The following SNAP29 variants were observed in gnomAD, a reference collection of about 807,000 sequenced individuals.
The protein encoded by SNAP29 is synaptosome associated protein 29, also known as synaptosomal-associated protein 29.
SNAP29 carries 13 observed loss-of-function variants against 27.9 expected under a neutral mutation model. That is an observed-to-expected ratio of 0.47 (90% CI 0.30 to 0.74). The LOEUF is 0.74. Ranked by LOEUF, SNAP29 falls within the 30% of genes least tolerant of loss-of-function variation. The pLI, the probability that SNAP29 is intolerant of heterozygous loss-of-function variation, is 0.06. For missense variants in SNAP29, 368 were observed against 336.5 expected (o/e 1.09, Z -0.73); for synonymous variants, 119 against 127.1 (o/e 0.94, Z 0.43).
intron 1 of SNAP29, among the ~76,000 whole-genome samples, chr22:20,869,807 G>A (rs139659595): frequency 0.018 from 2,787 of 151,924 alleles, 33 homozygotes; most frequent in Non-Finnish European, 0.026. Context: ...GTCTTGCTCT[G>A]TCGCCCAGGC....
In SNAP29 at chr22:20,859,245, G is replaced by C; in HGVS notation, c.135G>C (p.Leu45Phe). The part of the protein sequence containing the change: ...PDAPADRQQY[L>F]RQEVLRRAEA... The stretch of plus-strand genomic sequence containing the variant: ...CGCCCGCGGACAGGCAGCAGTACTT[G>C]CGGCAGGAGGTCCTCCGCAGGGCTG... Residue 45 changes from leucine (L) to phenylalanine (F), a missense_variant, in exon 1 of 5, where the codon TTG becomes TTC. Transcript: ENST00000215730. 6.2e-7 allele frequency: 1 copy of C among 1,604,062 alleles called. No individual in the cohort carries two copies. The highest frequency in any genetic ancestry group is 8.5e-7 in the Non-Finnish European group (1 of 1,176,820).
chr22:20,871,096 C>G (rs916773772), intron 2 of SNAP29: 2 of 153,120 alleles, frequency 1.3e-5, no homozygotes, highest in Admixed American at 6.4e-5. Flanking sequence ...GCACTCCAAC[C>G]TGGGCTACAG....
chr22:20,890,141 C>T lies in SNAP29; in HGVS notation c.*2305C>T, dbSNP rs901120462. 5.0e-6 allele frequency: 2 copies of T among 396,574 alleles called. No homozygotes were observed. Among genetic ancestry groups the T allele is most frequent in the Admixed American group, 4.4e-5 (1 of 22,650 alleles). The allele number at this position is 396,574 out of a possible 1,614,324, so 24.6% of individuals were successfully genotyped here. ...GCTGGTCCTTTCTGCCACTTCTTCC[C>T]CACTCCCATGCCCAGGAAGGCCTGG... On this transcript the variant is annotated 3_prime_UTR_variant, in exon 5 of 5. Coordinates refer to ENST00000215730, the MANE Select transcript of SNAP29 (RefSeq NM_004782.4).
chr22:20,877,412 C>T (rs1928774165), intron 2 of SNAP29, among the ~76,000 whole-genome samples: 2 of 152,150 alleles, frequency 1.3e-5, no homozygotes, highest in South Asian at 4.1e-4. Flanking sequence ...CAAAATGAGC[C>T]AAGCAAGGTG....
Position 20,859,352 on chromosome 22 carries a change from G to A in SNAP29, c.237+5G>A. 6.3e-7 allele frequency: 1 copy of A among 1,590,682 alleles called. No homozygotes were observed. On this transcript the variant is annotated splice_donor_5th_base_variant and intron_variant, in intron 1 of 4. Coordinates refer to ENST00000215730, the MANE Select transcript of SNAP29 (RefSeq NM_004782.4). ...GTTGGGGTCGCCTCTTCCGAGGTGA[G>A]CCTGGGGCAGGGCTGGTGTGGACTC...
intron 2 of SNAP29, among the ~76,000 whole-genome samples, chr22:20,876,104 T>C (rs1222627112): frequency 6.6e-6 from 1 of 150,540 alleles, no homozygotes; most frequent in African/African-American, 2.4e-5. Flanking sequence ...GAGGTTGCAG[T>C]GAGCCAAGAT....
Position 20,859,231 on chromosome 22 carries a change from A to G in SNAP29, c.121A>G (p.Arg41Gly). ...CGACGGGCCCGACGCGCCCGCGGACAGGCAGCAGTACTTGCGGCAGGAGGT... is the reference window on the plus strand; with the variant it reads ...CGACGGGCCCGACGCGCCCGCGGACGGGCAGCAGTACTTGCGGCAGGAGGT... ...LPDGPDAPAD[R>G]QQYLRQEVLR... The change falls in exon 1 of 5, where the codon AGG (arginine) becomes GGG (glycine). Residue 41 changes from arginine to glycine, a missense_variant. Arg to Gly is a moderately radical substitution (Grantham distance 125, BLOSUM62 -2). Coordinates refer to ENST00000215730, the MANE Select transcript of SNAP29 (RefSeq NM_004782.4). 6.2e-7 allele frequency: 1 copy of G among 1,606,520 alleles called. No individual in the cohort carries two copies. Among genetic ancestry groups the G allele is most frequent in the Non-Finnish European group, 8.5e-7 (1 of 1,177,408 alleles).
intron 2 of SNAP29, among the ~76,000 whole-genome samples, chr22:20,880,689 C>G (rs1162690055): frequency 6.6e-6 from 1 of 152,098 alleles, no homozygotes; most frequent in Non-Finnish European, 1.5e-5. Flanking sequence ...CGATGCTACA[C>G]TGCTTTTTTT....
Position 20,859,351 on chromosome 22 carries a change from A to G in SNAP29, c.237+4A>G. 1 of 1,594,440 alleles carries G rather than the reference A, an allele frequency of 6.3e-7. No homozygotes were observed. Among genetic ancestry groups the G allele is most frequent in the Non-Finnish European group, 8.6e-7 (1 of 1,162,274 alleles). On this transcript the variant is annotated splice_donor_region_variant and intron_variant, in intron 1 of 4. Transcript: ENST00000215730. ...GGTTGGGGTCGCCTCTTCCGAGGTG[A>G]GCCTGGGGCAGGGCTGGTGTGGACT... is the stretch of plus-strand genomic sequence containing the variant.
chr22:20,884,739 G>A (rs1928973218), intron 4 of SNAP29, among the ~76,000 whole-genome samples: 1 of 151,926 alleles, frequency 6.6e-6, no homozygotes, highest in Non-Finnish European at 1.5e-5. Context: ...TTGTATCTGG[G>A]GCCCAGCAGG....
At chr22:20,874,960 A>G (rs1601650316) in intron 2 of SNAP29, among the ~76,000 whole-genome samples, 1 of 152,054 alleles carries the variant, frequency 6.6e-6, no homozygotes, top group Non-Finnish European at 1.5e-5. Context: ...GAAGCTGGCA[A>G]GTTTGTGACT....
chr22:20,865,702 C>A (rs1470954017), intron 1 of SNAP29, among the ~76,000 whole-genome samples: 3 of 152,164 alleles, frequency 2.0e-5, no homozygotes, highest in African/African-American at 4.8e-5. Flanking sequence ...TGGTTTCTTA[C>A]AATGAAAAGA....
At chr22:20,861,731 G>A (rs1211571689) in intron 1 of SNAP29, among the ~76,000 whole-genome samples, 1 of 151,270 alleles carries the variant, frequency 6.6e-6, no homozygotes, top group Non-Finnish European at 1.5e-5. Flanking sequence ...TGCCTCCCAG[G>A]TCAAGCGATT....
chr22:20,873,053 C>A (rs1928636421), intron 2 of SNAP29, among the ~76,000 whole-genome samples: 1 of 151,424 alleles, frequency 6.6e-6, no homozygotes, highest in African/African-American at 2.4e-5. Context: ...TAGTCTCGAA[C>A]TCTTGATCTC....
intron 2 of SNAP29, among the ~76,000 whole-genome samples, chr22:20,875,950 A>G (rs980838114): frequency 6.6e-6 from 1 of 152,126 alleles, no homozygotes; most frequent in Non-Finnish European, 1.5e-5. Flanking sequence ...TCACGAGGTC[A>G]GGAGATCGAG....
chr22:20,881,187 T>G, intron 3 of SNAP29, 53 bp downstream of exon 3: 8 of 1,322,344 alleles, frequency 6.0e-6, no homozygotes, highest in African/African-American at 1.5e-5. Context: ...GGGAGACCTC[T>G]AGGTTTGGCG....
chr22:20,887,997 G>A lies in SNAP29; in HGVS notation c.*161G>A, dbSNP rs1929060647. On this transcript the variant is annotated 3_prime_UTR_variant, in exon 5 of 5. Coordinates refer to ENST00000215730, the MANE Select transcript of SNAP29 (RefSeq NM_004782.4). ...GACATTTTTGCTGTTATAAGGAAGT[G>A]TTTGTCCCACATTTTCCTAGGGTTA... 3 of 726,386 alleles carry A rather than the reference G, an allele frequency of 4.1e-6. No homozygotes were observed. Among genetic ancestry groups the A allele is most frequent in the Non-Finnish European group, 4.6e-6 (2 of 435,440 alleles). 45.0% of individuals were successfully genotyped at this position (726,386 alleles called of 1,614,324 possible).
chr22:20,883,565 C>T lies in SNAP29; in HGVS notation c.615C>T (p.Asn205=). Residue 205 remains asparagine (N), a synonymous_variant, in exon 4 of 5, where the codon AAC becomes AAT. Coordinates refer to ENST00000215730, the MANE Select transcript of SNAP29 (RefSeq NM_004782.4). ...CCTATCACCAGAAGATCGACAGCAA[C>T]CTAGGTAAGACTGAGCACCACACCA... is the stretch of plus-strand genomic sequence containing the variant. ...LRAYHQKIDS[N]LDELSMGLGR... The T allele has an allele frequency of 6.2e-7, 1 of 1,606,864 alleles. No homozygotes were observed. Among genetic ancestry groups the T allele is most frequent in the Non-Finnish European group, 8.5e-7 (1 of 1,173,630 alleles).
intron 1 of SNAP29, 102 bp downstream of exon 1, chr22:20,859,449 C>T (rs1928170728): frequency 5.5e-6 from 5 of 908,964 alleles, no homozygotes; most frequent in Admixed American, 1.8e-5. Context: ...CTCAAGTTGC[C>T]TAGCATAGAT....
Sources: allele counts gnomAD v4.1 joint callset (sites outside exome capture counted in the v4.1 genomes callset), GRCh38; gene constraint gnomAD v4.1.1; transcripts MANE v1.5; gene names NCBI Gene and HGNC (gene_info 2026-07-23, HGNC 2026-07-21).